ADGRD1: variants seen among roughly 807,000 people sequenced by gnomAD.
ADGRD1 encodes the protein G-protein coupled receptor 133.
A neutral mutation model predicts 113.4 loss-of-function variants in ADGRD1; 77 were observed. That is an observed-to-expected ratio of 0.68 (90% CI 0.57 to 0.82). ADGRD1 has a LOEUF of 0.82. Ranked by LOEUF, ADGRD1 falls within the 40% of genes least tolerant of loss-of-function variation. The probability of loss-of-function intolerance (pLI) is 0.00; values close to 1 mark genes in which losing one functional copy is unlikely to be tolerated. For missense variants in ADGRD1, 1,036 were observed against 1,139.1 expected, an observed-to-expected ratio of 0.91 and a Z score of 1.30; for synonymous variants, 474 against 475.0, an observed-to-expected ratio of 1.00 and a Z score of 0.03.
At chr12:131,129,414 T>C (rs1950848177) in intron 20 of ADGRD1, among the ~76,000 whole-genome samples, 2 of 133,264 alleles carry the variant, frequency 1.5e-5, no homozygotes, top group South Asian at 5.4e-4. Context: ...TGTCTGGGTG[T>C]GAGTGACAGG....
rs974060871 is a variant in ADGRD1, at chr12:131,126,876, A to G, written c.2176-4849A>G. Among the ~76,000 whole-genome samples the G allele has an allele frequency of 2.0e-5, 3 of 152,182 alleles. 1 individual carries two copies. The highest frequency in any genetic ancestry group is 1.5e-5 in the Non-Finnish European group (1 of 68,026). On this transcript the variant is annotated intron_variant, in intron 20 of 24. Transcript: ENST00000261654. ...ATTTGTAGTCGAGTGTGGGTGTACCATACAGCAAGGCATGGATGAGGATGA... is the reference window on the plus strand; with the variant it reads ...ATTTGTAGTCGAGTGTGGGTGTACCGTACAGCAAGGCATGGATGAGGATGA...
chr12:131,011,099 C>G (rs1877813002), intron 12 of ADGRD1, among the ~76,000 whole-genome samples: 1 of 137,340 alleles, frequency 7.3e-6, no homozygotes, highest in Non-Finnish European at 1.6e-5. Flanking sequence ...CCCACCTCAC[C>G]CCTGCCCCAC....
intron 2 of ADGRD1, among the ~76,000 whole-genome samples, chr12:130,959,086 C>T (rs1196013398): frequency 1.3e-5 from 2 of 152,210 alleles, no homozygotes; most frequent in Admixed American, 1.3e-4. Context: ...TAGGTTCGCT[C>T]AGGTGCTGGG....
chr12:130,971,698 A>G lies in ADGRD1; in HGVS notation c.310+118A>G. 9.5e-7 allele frequency: 1 copy of G among 1,051,700 alleles called. No individual in the cohort carries two copies. The highest frequency in any genetic ancestry group is 2.7e-5 in the East Asian group (1 of 36,768). 65.1% of individuals were successfully genotyped at this position (1,051,700 alleles called of 1,614,324 possible). Reference sequence around the variant, plus strand: ...TCTCATCAATTGCAGAATGCGTGAGAATGTCAACGATGGATCGGAGGGCAG... The same window carrying G: ...TCTCATCAATTGCAGAATGCGTGAGGATGTCAACGATGGATCGGAGGGCAG... On this transcript the variant is annotated intron_variant, in intron 4 of 24. Transcript: ENST00000261654. The surrounding 1 kb of genome is among the most constrained non-coding windows in gnomAD (Gnocchi z 4.2).
intron 13 of ADGRD1, among the ~76,000 whole-genome samples, chr12:131,051,469 C>A (rs921296588): frequency 1.8e-5 from 1 of 56,752 alleles, no homozygotes; most frequent in Non-Finnish European, 3.3e-5. Flanking sequence ...TATCTGTTTT[C>A]TTTCTTTCTT....
intron 8 of ADGRD1, among the ~76,000 whole-genome samples, chr12:131,000,149 C>T (rs955801421): frequency 7.2e-5 from 11 of 152,286 alleles, no homozygotes; most frequent in South Asian, 4.1e-4. Context: ...TCTGACGTTC[C>T]GGTGCTGGTC....
At chr12:131,133,521 GGCACA>G (rs1408463331) in intron 21 of ADGRD1, among the ~76,000 whole-genome samples, 4 of 152,212 alleles carry the variant, frequency 2.6e-5, no homozygotes, top group Admixed American at 6.5e-5. Context: ...GTCTTTGCAG[GGCACA>G]GCTGAAGGCA....
intron 18 of ADGRD1, among the ~76,000 whole-genome samples, chr12:131,114,380 A>C (rs939384870): frequency 1.3e-5 from 2 of 152,176 alleles, no homozygotes; most frequent in Admixed American, 6.5e-5. Flanking sequence ...ATGCAGCCCC[A>C]GTAGGAGACT....
chr12:131,128,216 G>C lies in ADGRD1; in HGVS notation c.2176-3509G>C, dbSNP rs573098077. Among the ~76,000 whole-genome samples, 873 of 149,280 alleles carry C rather than the reference G, an allele frequency of 5.8e-3. 2 individuals are homozygous for C. Among genetic ancestry groups the C allele is most frequent in the Non-Finnish European group, 0.01 (681 of 67,306 alleles). On this transcript the variant is annotated intron_variant, in intron 20 of 24. Coordinates refer to ENST00000261654, the MANE Select transcript of ADGRD1 (RefSeq NM_198827.5). ...GGATTCTGAGCTCAGGTGGGGTGTT[G>C]GTTGGGTTGGTTGTGATGGGACCCT...
intron 21 of ADGRD1, among the ~76,000 whole-genome samples, chr12:131,132,599 G>A (rs747780596): frequency 2.0e-5 from 3 of 152,240 alleles, no homozygotes; most frequent in Non-Finnish European, 4.4e-5. Context: ...CCTGGTGGCC[G>A]AATGGCTGCG....
intron 4 of ADGRD1, among the ~76,000 whole-genome samples, chr12:130,979,815 T>TGTCA (rs1555236739): frequency 7.2e-6 from 1 of 139,746 alleles, no homozygotes; most frequent in African/African-American, 2.9e-5. Flanking sequence ...GCAGCTAGTG[T>TGTCA]CTCACACACA....
intron 13 of ADGRD1, among the ~76,000 whole-genome samples, chr12:131,044,562 A>G (rs968500057): frequency 1.3e-5 from 2 of 152,170 alleles, no homozygotes; most frequent in African/African-American, 4.8e-5. Flanking sequence ...TTACATCTCC[A>G]TTAAGAACCT....
At chr12:131,023,530 T>A (rs1879575818) in intron 13 of ADGRD1, 1 of 152,130 alleles carries the variant, frequency 6.6e-6, no homozygotes, top group Non-Finnish European at 1.5e-5. Flanking sequence ...ACTTTTTAAA[T>A]AGCCCCTTCT....
chr12:131,138,580 GGTT>G (rs1951164933), intron 24 of ADGRD1, among the ~76,000 whole-genome samples: 1 of 152,188 alleles, frequency 6.6e-6, no homozygotes, highest in African/African-American at 2.4e-5. Context: ...GCCCTGTTAG[GGTT>G]CTCACTGTGC....
At position 131,057,219 on chromosome 12, in the gene ADGRD1, C is replaced by T. The variant is rs1032399105; in HGVS notation, c.1474-19582C>T. On this transcript the variant is annotated intron_variant, in intron 13 of 24. Transcript: ENST00000261654. This position sits in a 1 kb window ranked among gnomAD's most constrained non-coding sequence, Gnocchi z 4.2. Reference sequence around the variant, plus strand: ...AAGAACTGCACGGAACGCTGCCTGGCGAGCGCCTGCTGGTGTTTGAGAGAA... The same window carrying T: ...AAGAACTGCACGGAACGCTGCCTGGTGAGCGCCTGCTGGTGTTTGAGAGAA... Among the ~76,000 whole-genome samples the T allele has an allele frequency of 1.3e-5, 2 of 152,174 alleles. No homozygotes were observed. Among genetic ancestry groups the T allele is most frequent in the Non-Finnish European group, 2.9e-5 (2 of 68,036 alleles).
At position 131,050,760 on chromosome 12, in the gene ADGRD1, G is replaced by A. The variant is rs937688662; in HGVS notation, c.1474-26041G>A. Among the ~76,000 whole-genome samples the A allele has an allele frequency of 6.6e-6, 1 of 152,154 alleles. No individual in the cohort carries two copies. The highest frequency in any genetic ancestry group is 1.5e-5 in the Non-Finnish European group (1 of 68,028). On this transcript the variant is annotated intron_variant, in intron 13 of 24. Coordinates refer to ENST00000261654, the MANE Select transcript of ADGRD1 (RefSeq NM_198827.5). The surrounding 1 kb of genome is among the most constrained non-coding windows in gnomAD (Gnocchi z 4.8). The stretch of plus-strand genomic sequence containing the variant: ...CAATTTTTGCACGGATGGGGTGGGG[G>A]ATGGATTCGGGATGAAACTGTTCCC...
chr12:131,102,249 C>T (rs145175077), intron 15 of ADGRD1, among the ~76,000 whole-genome samples: 17 of 152,314 alleles, frequency 1.1e-4, no homozygotes, highest in African/African-American at 3.6e-4. Flanking sequence ...CTTCACCCAC[C>T]GCGGCTATGC....
intron 4 of ADGRD1, chr12:130,978,335 T>A (rs1872566203): frequency 6.6e-6 from 1 of 152,252 alleles, no homozygotes; most frequent in East Asian, 1.9e-4. Flanking sequence ...CCTAGATTTT[T>A]ATTTTTCCTT....
intron 13 of ADGRD1, among the ~76,000 whole-genome samples, chr12:131,067,498 TC>T (rs1416965006): frequency 1.3e-5 from 2 of 152,058 alleles, no homozygotes; most frequent in Non-Finnish European, 2.9e-5. Context: ...GCCCTCTGCC[TC>T]CTATATGTCT....
Sources: allele counts gnomAD v4.1 joint callset (sites outside exome capture counted in the v4.1 genomes callset), GRCh38; gene constraint gnomAD v4.1.1; non-coding constraint Gnocchi (gnomAD v3.1); transcripts MANE v1.5; gene names NCBI Gene and HGNC (gene_info 2026-07-23, HGNC 2026-07-21).